The following SNX30 variants were observed in gnomAD, a reference collection of about 807,000 sequenced individuals.
The protein encoded by SNX30 is sorting nexin-30.
SNX30 carries 24 observed loss-of-function variants against 46.4 expected under a neutral mutation model. The observed-to-expected ratio is 0.52, with a 90% CI of 0.37 to 0.73. The LOEUF is 0.73. Ranked by LOEUF, SNX30 falls within the 30% of genes least tolerant of loss-of-function variation. SNX30 has a pLI of 0.00. For synonymous variants in SNX30, 189 were observed against 211.5 expected, an observed-to-expected ratio of 0.89 and a Z score of 0.92; for missense variants, 533 against 555.7, an observed-to-expected ratio of 0.96 and a Z score of 0.41.
chr9:112,825,630 G>A (rs559514109), intron 3 of SNX30, among the ~76,000 whole-genome samples: 2 of 151,472 alleles, frequency 1.3e-5, no homozygotes, highest in African/African-American at 4.8e-5. Context: ...TGGCCTAAAC[G>A]TTATATAGAC....
chr9:112,871,478 C>CT lies in SNX30; in HGVS notation c.*2636dup, dbSNP rs1442798216. ...CACACGGAGGCTTCTGTGCCAAAGACTGCCTTGTAGAGGTCTCATCACCTC... is the reference window on the plus strand; with the variant it reads ...CACACGGAGGCTTCTGTGCCAAAGACTTGCCTTGTAGAGGTCTCATCACCTC... On this transcript the variant is annotated 3_prime_UTR_variant, in exon 9 of 9. Transcript: ENST00000374232. The CT allele has an allele frequency of 2.6e-5, 4 of 152,194 alleles. No individual in the cohort carries two copies. The highest frequency in any genetic ancestry group is 9.7e-5 in the African/African-American group (4 of 41,436). The allele number at this position is 152,194 out of a possible 1,614,324, so 9.4% of individuals were successfully genotyped here.
At chr9:112,867,410 C>T (rs960269214) in intron 8 of SNX30, among the ~76,000 whole-genome samples, 7 of 151,290 alleles carry the variant, frequency 4.6e-5, no homozygotes, top group Non-Finnish European at 8.8e-5. Context: ...AGAATTCCTC[C>T]TCCCTCCTCA....
intron 2 of SNX30, among the ~76,000 whole-genome samples, chr9:112,814,372 C>G (rs576692141): frequency 2.5e-4 from 38 of 152,276 alleles, no homozygotes; most frequent in African/African-American, 7.9e-4. Context: ...TCCTGAGTAG[C>G]AGGGACTACA....
chr9:112,865,655 A>ATGTGTGTGTGTGTGTGTGTGTGTGTGTG (rs1841318734), intron 8 of SNX30, among the ~76,000 whole-genome samples: 6 of 89,426 alleles, frequency 6.7e-5, no homozygotes, highest in Admixed American at 4.2e-4. Context: ...ATATATATAT[A>ATGTGTGTGTGTGTGTGTGTGTGTGTGTG]TATATATGTA....
chr9:112,816,216 T>C (rs1840393913), intron 2 of SNX30, among the ~76,000 whole-genome samples: 1 of 152,220 alleles, frequency 6.6e-6, no homozygotes, highest in Non-Finnish European at 1.5e-5. Flanking sequence ...CTGGTAGGGA[T>C]GCAAGAACTG....
chr9:112,866,485 T>G, intron 8 of SNX30: 1 of 470,648 alleles, frequency 2.1e-6, no homozygotes, highest in South Asian at 1.5e-5. Context: ...ACATACAAAG[T>G]CCATTGCAGA....
chr9:112,866,543 C>T (rs1193827552), intron 8 of SNX30: 2 of 470,510 alleles, frequency 4.3e-6, no homozygotes, highest in South Asian at 3.1e-5. Flanking sequence ...ATGCCACAGA[C>T]CCCAGATCAT....
chr9:112,814,422 G>A (rs1341538137), intron 2 of SNX30, among the ~76,000 whole-genome samples: 2 of 151,932 alleles, frequency 1.3e-5, no homozygotes, highest in African/African-American at 4.8e-5. Flanking sequence ...TGCATTTTTT[G>A]TAGAGACAGG....
downstream of SNX30, among the ~76,000 whole-genome samples, chr9:112,876,648 G>C (rs1841520523): frequency 6.6e-6 from 1 of 150,752 alleles, no homozygotes; most frequent in Non-Finnish European, 1.5e-5. Flanking sequence ...CAAGAATTAA[G>C]AATACAGGCA....
At chr9:112,884,187 G>A (rs779336212), downstream of SNX30, among the ~76,000 whole-genome samples, 13 of 152,212 alleles carry the variant, frequency 8.5e-5, no homozygotes, top group Non-Finnish European at 1.8e-4. Flanking sequence ...CCAGGAAGAG[G>A]TGCAGCCACA....
At position 112,858,278 on chromosome 9, in the gene SNX30, G is replaced by A. The variant is rs140570095; in HGVS notation, c.1102-5969G>A. 2.1e-3 allele frequency among the ~76,000 whole-genome samples: 313 copies of A among 152,294 alleles called. 1 individual carries two copies. Among genetic ancestry groups the A allele is most frequent in the African/African-American group, 7.1e-3 (296 of 41,550 alleles). On this transcript the variant is annotated intron_variant, in intron 7 of 8. Coordinates refer to ENST00000374232, the MANE Select transcript of SNX30 (RefSeq NM_001012994.2). Reference sequence around the variant, plus strand: ...TGTTATTATCTCAGCACTCTGGGAGGCCAAGACAGGAAGATCGCCTGAGCT... The same window carrying A: ...TGTTATTATCTCAGCACTCTGGGAGACCAAGACAGGAAGATCGCCTGAGCT...
chr9:112,840,443 C>T (rs1341018015), intron 6 of SNX30, among the ~76,000 whole-genome samples: 1 of 152,154 alleles, frequency 6.6e-6, no homozygotes, highest in Admixed American at 6.5e-5. Context: ...TTAAAATGAA[C>T]TAGAATATTT....
intron 6 of SNX30, among the ~76,000 whole-genome samples, chr9:112,849,224 G>C (rs1207481241): frequency 1.3e-5 from 2 of 152,162 alleles, no homozygotes; most frequent in African/African-American, 4.8e-5. Flanking sequence ...CAGACCAATA[G>C]ATTTAGATTA....
Position 112,836,200 on chromosome 9 carries a change from C to A in SNX30, c.619-14C>A, listed in dbSNP as rs1228861152. On this transcript the variant is annotated splice_polypyrimidine_tract_variant and intron_variant, in intron 4 of 8. Transcript: ENST00000374232. ...TGAGTGAGTGCTTTGAGCTTATTCACATATCATCCTCAGGACCTGAACGCC... is the reference window on the plus strand; with the variant it reads ...TGAGTGAGTGCTTTGAGCTTATTCAAATATCATCCTCAGGACCTGAACGCC... 6.3e-7 allele frequency: 1 copy of A among 1,581,812 alleles called. No individual in the cohort carries two copies. The highest frequency in any genetic ancestry group is 1.3e-5 in the African/African-American group (1 of 74,554).
At position 112,763,884 on chromosome 9, in the gene SNX30, G is replaced by A. The variant is rs187607807; in HGVS notation, c.156+12727G>A. On this transcript the variant is annotated intron_variant, in intron 1 of 8. Transcript: ENST00000374232. ...AAAAAAATTATTTGTTTAAATTTAC[G>A]GGGTACCTATGTAATTTTGTTACAT... 4.2e-3 allele frequency among the ~76,000 whole-genome samples: 640 copies of A among 151,792 alleles called. 5 individuals carry two copies. The highest frequency in any genetic ancestry group is 0.014 in the African/African-American group (586 of 41,402).
intron 1 of SNX30, among the ~76,000 whole-genome samples, chr9:112,804,314 A>G (rs2096188): frequency 0.88 from 133,194 of 151,956 alleles, 58,519 homozygotes; most frequent in Middle Eastern, 0.91. Flanking sequence ...ACAGGCATGC[A>G]CCACCATGTC....
Position 112,838,659 on chromosome 9 carries a change from G to A in SNX30, c.976G>A (p.Val326Met), listed in dbSNP as rs1190637571. ...TDDMTEDFLP[V>M]LREYILYSDS... Reference sequence around the variant, plus strand: ...TGACATGACAGAAGACTTCCTACCTGTGCTCAGGGAATATATTTTATACTC... The same window carrying A: ...TGACATGACAGAAGACTTCCTACCTATGCTCAGGGAATATATTTTATACTC... Residue 326 changes from valine to methionine, a missense_variant, in exon 6 of 9, where the codon GTG (valine) becomes ATG (methionine). By Grantham distance (21) the Val-to-Met change is conservative. This residue lies in a region of SNX30 where 261 missense variants were observed against 270.9 expected (regional missense o/e 0.96). Transcript: ENST00000374232. 6.2e-7 allele frequency: 1 copy of A among 1,614,022 alleles called. No homozygotes were observed. Among genetic ancestry groups the A allele is most frequent in the Non-Finnish European group, 8.5e-7 (1 of 1,180,024 alleles).
At chr9:112,827,237 C>T (rs1285766484) in intron 3 of SNX30, among the ~76,000 whole-genome samples, 1 of 152,178 alleles carries the variant, frequency 6.6e-6, no homozygotes, top group Non-Finnish European at 1.5e-5. Flanking sequence ...TGTGTTTACC[C>T]TGTGGTAGGA....
chr9:112,862,642 C>T (rs1198628164), intron 7 of SNX30, among the ~76,000 whole-genome samples: 2 of 152,090 alleles, frequency 1.3e-5, no homozygotes, highest in African/African-American at 4.8e-5. Context: ...TGGCTCAAAC[C>T]TGTAATTCCA....
Sources: gnomAD v4.1 joint callset for allele counts (sites outside exome capture counted in the v4.1 genomes callset) on GRCh38, gnomAD v4.1.1 for gene constraint, gnomAD v4.1.1 regional missense constraint, MANE v1.5 for transcripts, NCBI Gene and HGNC (gene_info 2026-07-23, HGNC 2026-07-21) for gene names.